PEBP4: variants seen among roughly 807,000 people sequenced by gnomAD.
PEBP4 encodes the protein phosphatidylethanolamine-binding protein 4.
A neutral mutation model predicts 23.9 loss-of-function variants in PEBP4; 22 were observed. The ratio of observed to expected loss-of-function variants is 0.92; its 90% CI spans 0.66 to 1.31. PEBP4 has a LOEUF of 1.31. Among genes scored for constraint, PEBP4 ranks in the 40% most tolerant of loss-of-function variants. The pLI, the probability that PEBP4 is intolerant of heterozygous loss-of-function variation, is 0.00. For missense variants in PEBP4, 324 were observed against 281.7 expected, an observed-to-expected ratio of 1.15 and a Z score of -1.07; for synonymous variants, 112 against 99.3, an observed-to-expected ratio of 1.13 and a Z score of -0.76.
At chr8:22,909,640 AG>A (rs1808893819) in intron 3 of PEBP4, among the ~76,000 whole-genome samples, 2 of 152,152 alleles carry the variant, frequency 1.3e-5, no homozygotes, top group African/African-American at 4.8e-5. Flanking sequence ...GGTGTACTGC[AG>A]GTTGCTCTCC....
chr8:22,772,220 T>G (rs1805729807), intron 4 of PEBP4, among the ~76,000 whole-genome samples: 1 of 152,214 alleles, frequency 6.6e-6, no homozygotes, highest in Non-Finnish European at 1.5e-5. Context: ...CAAGGCTTAA[T>G]GCAATTAAGT....
At chr8:22,939,621 T>C (rs1809583103) in intron 1 of PEBP4, among the ~76,000 whole-genome samples, 1 of 151,788 alleles carries the variant, frequency 6.6e-6, no homozygotes, top group Non-Finnish European at 1.5e-5. Flanking sequence ...GCTGTTGTTT[T>C]AAGAGATGTT....
upstream of PEBP4, among the ~76,000 whole-genome samples, chr8:22,929,595 G>C (rs1446879424): frequency 6.6e-6 from 1 of 152,206 alleles, no homozygotes; most frequent in Non-Finnish European, 1.5e-5. Flanking sequence ...TATGGAGGAG[G>C]AGACAGCACA....
At chr8:22,743,302 G>C (rs1428561461) in intron 4 of PEBP4, among the ~76,000 whole-genome samples, 7 of 151,758 alleles carry the variant, frequency 4.6e-5, no homozygotes, top group African/African-American at 1.7e-4. Flanking sequence ...GCTCCCTTTG[G>C]GGGAGAAACC....
intron 4 of PEBP4, among the ~76,000 whole-genome samples, chr8:22,783,717 C>T (rs575696899): frequency 6.6e-6 from 1 of 152,314 alleles, no homozygotes; most frequent in Non-Finnish European, 1.5e-5. Flanking sequence ...CTCTGTTACC[C>T]AACCTCCCAT....
At chr8:22,857,241 T>TACACACACAC (rs35324307) in intron 3 of PEBP4, among the ~76,000 whole-genome samples, 234 of 148,122 alleles carry the variant, frequency 1.6e-3, no homozygotes, top group African/African-American at 5.5e-3. Flanking sequence ...AAATGAAACC[T>TACACACACAC]ACACACACAC....
At chr8:22,896,394 G>A (rs747387941) in intron 3 of PEBP4, among the ~76,000 whole-genome samples, 3 of 152,306 alleles carry the variant, frequency 2.0e-5, no homozygotes, top group Middle Eastern at 3.4e-3. Flanking sequence ...TTTGCTCAGA[G>A]CCATCCTCAG....
intron 3 of PEBP4, among the ~76,000 whole-genome samples, chr8:22,840,661 G>A (rs1169934800): frequency 6.6e-6 from 1 of 152,162 alleles, no homozygotes; most frequent in Non-Finnish European, 1.5e-5. Context: ...AGACTTGGTT[G>A]GAAGAATGTG....
At chr8:22,761,218 G>A (rs1025050074) in intron 4 of PEBP4, among the ~76,000 whole-genome samples, 10 of 152,154 alleles carry the variant, frequency 6.6e-5, no homozygotes, top group Non-Finnish European at 1.3e-4. Flanking sequence ...GGCCTGCCCC[G>A]GGGAACTGTG....
At position 22,939,399 on chromosome 8, in the gene PEBP4, A is replaced by T. The variant is rs561853917; in HGVS notation, c.145-11679T>A. On this transcript the variant is annotated intron_variant, in intron 1 of 1. Transcript: ENST00000522278. ...ATGAAATCTTGGCTCTACATAAAGG[A>T]AGAACAATGAAGATGGACTAAATGG... Among the ~76,000 whole-genome samples the T allele has an allele frequency of 4.6e-5, 7 of 152,298 alleles. No individual in the cohort carries two copies. The South Asian group carries it at 1.2e-3, about 27-fold the overall frequency.
intron 3 of PEBP4, among the ~76,000 whole-genome samples, chr8:22,836,805 T>C (rs948402274): frequency 3.3e-5 from 5 of 150,862 alleles, no homozygotes; most frequent in Admixed American, 3.3e-4. Context: ...GCAGCAAAAA[T>C]CACTACATGT....
intron 4 of PEBP4, among the ~76,000 whole-genome samples, chr8:22,809,171 G>A (rs962590839): frequency 2.0e-5 from 3 of 152,142 alleles, no homozygotes; most frequent in Non-Finnish European, 4.4e-5. Context: ...CTACGTGCTG[G>A]GTGTTTCACA....
At chr8:22,746,605 C>T (rs752207600) in intron 4 of PEBP4, among the ~76,000 whole-genome samples, 22 of 151,888 alleles carry the variant, frequency 1.4e-4, no homozygotes, top group Middle Eastern at 3.4e-3. Flanking sequence ...TCCTTTGTTC[C>T]GCCCTCTCCT....
At chr8:22,748,621 G>C (rs748414529) in intron 4 of PEBP4, among the ~76,000 whole-genome samples, 11 of 151,988 alleles carry the variant, frequency 7.2e-5, no homozygotes, top group South Asian at 4.1e-4. Flanking sequence ...GAACAAGGAG[G>C]GGGTGTGACT....
At chr8:22,935,729 A>G (rs1809529039) in intron 1 of PEBP4, among the ~76,000 whole-genome samples, 2 of 152,328 alleles carry the variant, frequency 1.3e-5, no homozygotes, top group South Asian at 4.1e-4. Flanking sequence ...TGTATAAGGT[A>G]TATATAAACA....
At chr8:22,746,238 T>C (rs531576173) in intron 4 of PEBP4, among the ~76,000 whole-genome samples, 1 of 152,298 alleles carries the variant, frequency 6.6e-6, no homozygotes, top group Non-Finnish European at 1.5e-5. Context: ...GGAATGTCTC[T>C]CTGTGAATCC....
intron 3 of PEBP4, among the ~76,000 whole-genome samples, chr8:22,893,759 G>A (rs190822584): frequency 2.6e-5 from 4 of 151,962 alleles, no homozygotes; most frequent in Non-Finnish European, 4.4e-5. Flanking sequence ...AAAACACAGA[G>A]AGAAAAAAGA....
At chr8:22,810,144 T>C (rs1806587366) in intron 4 of PEBP4, among the ~76,000 whole-genome samples, 1 of 152,194 alleles carries the variant, frequency 6.6e-6, no homozygotes, top group South Asian at 2.1e-4. Flanking sequence ...GAGATTTCCT[T>C]AACTCTTTAA....
intron 4 of PEBP4, among the ~76,000 whole-genome samples, chr8:22,758,817 T>C (rs1585257672): frequency 6.6e-6 from 1 of 152,180 alleles, no homozygotes; most frequent in African/African-American, 2.4e-5. Flanking sequence ...TGGACAGCGC[T>C]TTCCTAGGGC....
Sources: gnomAD v4.1 joint callset for allele counts (sites outside exome capture counted in the v4.1 genomes callset) on GRCh38, gnomAD v4.1.1 for gene constraint, MANE v1.5 for transcripts, NCBI Gene and HGNC (gene_info 2026-07-23, HGNC 2026-07-21) for gene names.